Variants in POLA1 observed in about 807,000 individuals in gnomAD.
The protein encoded by POLA1 is DNA polymerase alpha catalytic subunit.
A neutral mutation model predicts 124.0 loss-of-function variants in POLA1; 15 were observed. That is an observed-to-expected ratio of 0.12 (90% confidence interval 0.08 to 0.19). The LOEUF (loss-of-function observed/expected upper bound fraction) is 0.19, where lower values mean the gene tolerates loss of function less well. Ranked by LOEUF, POLA1 falls within the 10% of genes least tolerant of loss-of-function variation. The probability of loss-of-function intolerance (pLI) is 1.00; values close to 1 mark genes in which losing one functional copy is unlikely to be tolerated. For missense variants in POLA1, 886 were observed against 1,103.4 expected (o/e 0.80, Z 2.79); for synonymous variants, 408 against 389.4 (o/e 1.05, Z -0.56).
intron 26 of POLA1, among the ~76,000 whole-genome samples, chrX:24,764,743 G>GT (rs770165161): frequency 9.9e-5 from 11 of 111,271 alleles, no homozygotes; most frequent in Non-Finnish European, 2.1e-4. Context: ...CATTACAGTC[G>GT]TAAGGTGCAG....
At chrX:24,732,270 G>A (rs971594511) in intron 15 of POLA1, 100 bp from the exon 16 acceptor site, 1 of 594,181 alleles carries the variant, frequency 1.7e-6, no homozygotes, top group Non-Finnish European at 2.8e-6. Context: ...TTTCATATGT[G>A]TTTAAATGTG....
At chrX:24,788,767 A>G (rs1393516321) in intron 26 of POLA1, 1 of 1,202,155 alleles carries the variant, frequency 8.3e-7, no homozygotes, top group Non-Finnish European at 1.1e-6. Flanking sequence ...CAAAGAGGTC[A>G]ATGTCATCAT....
chrX:24,826,318 A>T (rs2046169652), intron 31 of POLA1, 109 bp from the exon 32 acceptor site: 1 of 502,240 alleles, frequency 2.0e-6, no homozygotes, highest in Non-Finnish European at 3.2e-6. Flanking sequence ...GATACATAAA[A>T]TTTAAATTGT....
intron 32 of POLA1, among the ~76,000 whole-genome samples, chrX:24,828,554 C>T (rs1201374996): frequency 1.8e-5 from 2 of 111,738 alleles, no homozygotes; most frequent in Non-Finnish European, 3.8e-5. Flanking sequence ...CACTGTACTC[C>T]CCCCCGCTCT....
chrX:24,705,691 C>T (rs182661388), intron 4 of POLA1, among the ~76,000 whole-genome samples: 46 of 109,721 alleles, frequency 4.2e-4, no homozygotes, highest in African/African-American at 1.5e-3. Flanking sequence ...AACAGCAACA[C>T]CTCCCCCCCT....
At chrX:24,974,938 G>A (rs778910738) in intron 36 of POLA1, among the ~76,000 whole-genome samples, 52 of 112,581 alleles carry the variant, frequency 4.6e-4, no homozygotes, top group South Asian at 7.4e-4. Flanking sequence ...TTGTCAAGTC[G>A]AAGGACAGTA....
chrX:24,836,461 G>A (rs769646152), intron 32 of POLA1, among the ~76,000 whole-genome samples: 2 of 112,034 alleles, frequency 1.8e-5, no homozygotes, highest in South Asian at 3.8e-4. Flanking sequence ...GGTTCTACTC[G>A]TTTACACTTC....
At chrX:24,919,154 T>C (rs954629633) in intron 35 of POLA1, among the ~76,000 whole-genome samples, 14 of 111,913 alleles carry the variant, frequency 1.3e-4, no homozygotes, top group African/African-American at 4.2e-4. Flanking sequence ...ACTATACTTG[T>C]CTCATTTCGT....
intron 26 of POLA1, among the ~76,000 whole-genome samples, chrX:24,793,251 T>C (rs1467516935): frequency 1.3e-5 from 1 of 76,705 alleles, no homozygotes; most frequent in Non-Finnish European, 2.2e-5. Context: ...CACTCCAGCC[T>C]GAATGAGAAG....
intron 26 of POLA1, among the ~76,000 whole-genome samples, chrX:24,772,817 A>C (rs1195166679): frequency 8.9e-6 from 1 of 111,802 alleles, no homozygotes; most frequent in Non-Finnish European, 1.9e-5. Flanking sequence ...TTGACCCAGC[A>C]GTCCCATTAC....
chrX:24,937,527 A>G (rs1385194934), intron 36 of POLA1, among the ~76,000 whole-genome samples: 1 of 112,234 alleles, frequency 8.9e-6, no homozygotes, highest in African/African-American at 3.2e-5. Context: ...TAATTACCCA[A>G]ATAATTTCAC....
intron 4 of POLA1, among the ~76,000 whole-genome samples, chrX:24,711,448 A>G (rs1313911285): frequency 8.9e-6 from 1 of 112,176 alleles, no homozygotes; most frequent in African/African-American, 3.2e-5. Context: ...GGATTGCACA[A>G]TGTTTATTCA....
At position 24,735,382 on chromosome X, in the gene POLA1, G is replaced by A. The variant is rs886905883; in HGVS notation, c.1834-17G>A. 11 of 1,081,577 alleles carry A rather than the reference G, an allele frequency of 1.0e-5. No homozygotes were observed. The highest frequency in any genetic ancestry group is 1.8e-5 in the African/African-American group (1 of 54,799). The allele number at this position is 1,081,577 out of a possible 1,213,427, so 89.1% of individuals were successfully genotyped here. A position where few individuals can be genotyped will look rare whatever the true frequency, so the allele number is the denominator to read the frequency against. On this transcript the variant is annotated splice_polypyrimidine_tract_variant and intron_variant, in intron 17 of 36. Coordinates refer to ENST00000379068, the MANE Select transcript of POLA1 (RefSeq NM_001330360.2). Reference sequence around the variant, plus strand: ...CAGTAAAGAGTCGTCAGTGACTGGTGTGTTTTTATCTAACAGAATGTGAAG... The same window carrying A: ...CAGTAAAGAGTCGTCAGTGACTGGTATGTTTTTATCTAACAGAATGTGAAG...
At chrX:24,698,886 C>G (rs191279865) in intron 1 of POLA1, among the ~76,000 whole-genome samples, 1 of 111,468 alleles carries the variant, frequency 9.0e-6, no homozygotes, top group East Asian at 2.8e-4. Flanking sequence ...CTCCTGACCT[C>G]GGGTGATCTG....
intron 36 of POLA1, among the ~76,000 whole-genome samples, chrX:24,990,310 G>A (rs1291228902): frequency 1.8e-5 from 2 of 112,077 alleles, no homozygotes; most frequent in African/African-American, 6.5e-5. Flanking sequence ...GATTACTAGC[G>A]CACTGTAATG....
chrX:24,770,720 G>C (rs903033370), intron 26 of POLA1, among the ~76,000 whole-genome samples: 1 of 111,059 alleles, frequency 9.0e-6, no homozygotes, highest in African/African-American at 3.3e-5. Context: ...GGGAAGGGGG[G>C]TTCTAATTCC....
intron 26 of POLA1, among the ~76,000 whole-genome samples, chrX:24,771,629 A>T (rs1468795385): frequency 8.9e-6 from 1 of 111,825 alleles, no homozygotes; most frequent in Non-Finnish European, 1.9e-5. Context: ...TGAATGAACT[A>T]TACAATACAA....
intron 34 of POLA1, among the ~76,000 whole-genome samples, chrX:24,883,662 T>C (rs1415836604): frequency 8.9e-6 from 1 of 112,464 alleles, no homozygotes; most frequent in African/African-American, 3.2e-5. Flanking sequence ...TTTGTTTTGC[T>C]ATTGGACAGG....
intron 3 of POLA1, 76 bp downstream of exon 3, chrX:24,703,423 CAT>C (rs897603623): frequency 5.7e-6 from 4 of 705,273 alleles, no homozygotes; most frequent in South Asian, 2.6e-5. Flanking sequence ...GATTCTCACT[CAT>C]GTGGTGGAGT....
Sources: gnomAD v4.1 joint callset for allele counts (sites outside exome capture counted in the v4.1 genomes callset) on GRCh38, gnomAD v4.1.1 for gene constraint, MANE v1.5 for transcripts, NCBI Gene and HGNC (gene_info 2026-07-23, HGNC 2026-07-21) for gene names.